Variants in DPP10 observed in about 807,000 individuals in gnomAD.
The protein encoded by DPP10 is inactive dipeptidyl peptidase 10.
A neutral mutation model predicts 120.9 loss-of-function variants in DPP10; 33 were observed. The ratio of observed to expected loss-of-function variants is 0.27; its 90% CI spans 0.21 to 0.37. The LOEUF (loss-of-function observed/expected upper bound fraction) is 0.37, where lower values mean the gene tolerates loss of function less well. Ranked by LOEUF, DPP10 falls within the 10% of genes least tolerant of loss-of-function variation. The probability of loss-of-function intolerance (pLI) is 1.00; values close to 1 mark genes in which losing one functional copy is unlikely to be tolerated. For synonymous variants in DPP10, 337 were observed against 326.1 expected (o/e 1.03, Z -0.36); for missense variants, 816 against 942.8 (o/e 0.87, Z 1.76).
intron 1 of DPP10, among the ~76,000 whole-genome samples, chr2:115,120,488 G>A (rs904591666): frequency 6.6e-6 from 1 of 152,158 alleles, no homozygotes; most frequent in African/African-American, 2.4e-5. Flanking sequence ...GGAGAGGGTA[G>A]AGATGTCAAA....
chr2:115,440,763 G>A (rs914012369), intron 3 of DPP10: 2 of 152,222 alleles, frequency 1.3e-5, no homozygotes, highest in African/African-American at 2.4e-5. Context: ...AACGGTACCA[G>A]GTGCAAGGCT....
chr2:114,757,425 AGAAG>A (rs1195099332), intron 1 of DPP10, among the ~76,000 whole-genome samples: 1 of 149,998 alleles, frequency 6.7e-6, no homozygotes, highest in Admixed American at 6.6e-5. Flanking sequence ...AAGGAAGGAA[AGAAG>A]GAAGGAAGGA....
At chr2:115,791,437 A>G in intron 19 of DPP10, 81 bp downstream of exon 19, 1 of 1,283,704 alleles carries the variant, frequency 7.8e-7, no homozygotes, top group Non-Finnish European at 1.1e-6. Context: ...ATTTGATTCA[A>G]TAAAGAAGAG....
At chr2:115,389,282 C>CACAT (rs1179960199) in intron 3 of DPP10, among the ~76,000 whole-genome samples, 2 of 151,398 alleles carry the variant, frequency 1.3e-5, no homozygotes, top group Admixed American at 1.3e-4. Context: ...CACACAAACA[C>CACAT]ACACACACAC....
At chr2:114,884,755 T>C (rs1691917531) in intron 1 of DPP10, among the ~76,000 whole-genome samples, 1 of 152,188 alleles carries the variant, frequency 6.6e-6, no homozygotes. Flanking sequence ...TATTGTATCA[T>C]TCTTATGCCT....
chr2:114,741,036 G>A (rs1331190196), intron 1 of DPP10, among the ~76,000 whole-genome samples: 1 of 152,024 alleles, frequency 6.6e-6, no homozygotes, highest in Non-Finnish European at 1.5e-5. Flanking sequence ...TTATATTTGT[G>A]GCATTTATGT....
intron 5 of DPP10, among the ~76,000 whole-genome samples, chr2:115,616,943 A>C (rs1026171367): frequency 1.3e-4 from 19 of 151,856 alleles, no homozygotes; most frequent in African/African-American, 4.1e-4. Flanking sequence ...CATAACTTAG[A>C]CTTATATTTT....
intron 1 of DPP10, among the ~76,000 whole-genome samples, chr2:114,449,386 C>T (rs2104530524): frequency 6.6e-6 from 1 of 152,098 alleles, no homozygotes; most frequent in South Asian, 2.1e-4. Context: ...AAGATTTAAG[C>T]TGGGGGATAA....
At chr2:115,290,672 C>T (rs533607786) in intron 1 of DPP10, among the ~76,000 whole-genome samples, 12 of 152,184 alleles carry the variant, frequency 7.9e-5, no homozygotes, top group South Asian at 2.1e-4. Flanking sequence ...ATTGCTGACA[C>T]GGGATTTGTT....
chr2:115,421,869 C>CAAAAAA (rs10610510), intron 3 of DPP10, among the ~76,000 whole-genome samples: 4 of 46,908 alleles, frequency 8.5e-5, no homozygotes, highest in African/African-American at 3.8e-4. Flanking sequence ...GACTCCATCT[C>CAAAAAA]AAAAAAAAAA....
intron 3 of DPP10, among the ~76,000 whole-genome samples, chr2:115,431,313 G>T (rs942313160): frequency 6.6e-6 from 1 of 152,158 alleles, no homozygotes; most frequent in Non-Finnish European, 1.5e-5. Context: ...ATCGGTTTGA[G>T]TAACAAGGAG....
intron 2 of DPP10, among the ~76,000 whole-genome samples, chr2:115,323,602 C>T (rs900794277): frequency 8.5e-5 from 13 of 152,124 alleles, no homozygotes; most frequent in African/African-American, 3.1e-4. Context: ...TCTATGGCAG[C>T]CTTATCAAAT....
chr2:115,278,866 C>CT (rs960105523), intron 1 of DPP10, among the ~76,000 whole-genome samples: 9 of 152,078 alleles, frequency 5.9e-5, no homozygotes, highest in East Asian at 1.9e-4. Flanking sequence ...TAGCAGAAGC[C>CT]TTTTTTTGTT....
chr2:115,732,619 C>G (rs1293176753), intron 8 of DPP10, among the ~76,000 whole-genome samples: 1 of 152,032 alleles, frequency 6.6e-6, no homozygotes, highest in Non-Finnish European at 1.5e-5. Flanking sequence ...ACTTTAAAAA[C>G]TTTTAAAATG....
chr2:114,740,152 A>G (rs538363050), intron 1 of DPP10, among the ~76,000 whole-genome samples: 1 of 151,596 alleles, frequency 6.6e-6, no homozygotes, highest in South Asian at 2.1e-4. Flanking sequence ...TGTGGCACAT[A>G]TACACCATGG....
chr2:114,448,328 T>C (rs1249055843), intron 1 of DPP10, among the ~76,000 whole-genome samples: 1 of 152,170 alleles, frequency 6.6e-6, no homozygotes, highest in Non-Finnish European at 1.5e-5. Context: ...GAGAAAGTAA[T>C]GTGTTAATAC....
intron 1 of DPP10, among the ~76,000 whole-genome samples, chr2:115,264,997 T>C (rs1356034295): frequency 6.6e-6 from 1 of 152,140 alleles, no homozygotes; most frequent in Non-Finnish European, 1.5e-5. Flanking sequence ...TAAGCCCCTC[T>C]TTTCATACTG....
intron 3 of DPP10, among the ~76,000 whole-genome samples, chr2:115,473,085 G>GT (rs1349650215): frequency 1.3e-5 from 2 of 152,112 alleles, no homozygotes; most frequent in Non-Finnish European, 2.9e-5. Context: ...GTCTAAACGT[G>GT]TTCTGGAACA....
intron 1 of DPP10, among the ~76,000 whole-genome samples, chr2:115,292,270 A>G (rs1420302887): frequency 6.6e-6 from 1 of 152,068 alleles, no homozygotes; most frequent in Non-Finnish European, 1.5e-5. Flanking sequence ...ATATAAAACC[A>G]ATTATGTTTT....
Sources: allele counts gnomAD v4.1 joint callset (sites outside exome capture counted in the v4.1 genomes callset), GRCh38; gene constraint gnomAD v4.1.1; transcripts MANE v1.5; gene names NCBI Gene and HGNC (gene_info 2026-07-23, HGNC 2026-07-21).